The following GLI3 variants were observed in gnomAD, a reference collection of about 807,000 sequenced individuals.
GLI3 encodes the protein GLI family zinc finger 3.
GLI3 carries 20 observed loss-of-function variants against 100.8 expected under a neutral mutation model. The observed-to-expected ratio is 0.20, with a 90% CI of 0.14 to 0.29. The LOEUF is 0.29. Ranked by LOEUF, GLI3 falls within the 10% of genes least tolerant of loss-of-function variation. The probability of loss-of-function intolerance (pLI) is 1.00; values close to 1 mark genes in which losing one functional copy is unlikely to be tolerated. For synonymous variants in GLI3, 938 were observed against 860.5 expected, an observed-to-expected ratio of 1.09 and a Z score of -1.58; for missense variants, 2,040 against 2,128.5, an observed-to-expected ratio of 0.96 and a Z score of 0.82.
At chr7:42,054,671 A>C (rs1362348619) in intron 4 of GLI3, among the ~76,000 whole-genome samples, 1 of 152,126 alleles carries the variant, frequency 6.6e-6, no homozygotes, top group Non-Finnish European at 1.5e-5. Context: ...CATTTTAATA[A>C]ATCAAAATTT....
At position 42,026,318 on chromosome 7, in the gene GLI3, C is replaced by G. The variant is rs1038579078; in HGVS notation, c.1123G>C (p.Gly375Arg). 1 of 1,614,098 alleles carries G rather than the reference C, an allele frequency of 6.2e-7. No homozygotes were observed. ...SRQQSLGSAFGHSPPLIHPAP... is the reference protein window; with the variant it reads ...SRQQSLGSAFRHSPPLIHPAP... ...GGGTGGATGAGTGGAGGGCTGTGTC[C>G]AAAGGCTGAACCTAAGCTCTGTTGT... Residue 375 changes from glycine (G) to arginine (R), a missense_variant, in exon 8 of 15, where the codon GGA becomes CGA. Transcript: ENST00000395925.
chr7:42,006,355 G>T (rs1156573060), intron 10 of GLI3, among the ~76,000 whole-genome samples: 4 of 152,164 alleles, frequency 2.6e-5, no homozygotes, highest in Non-Finnish European at 5.9e-5. Flanking sequence ...TCCAAGAGTG[G>T]GAGGAGAAGA....
At chr7:42,080,352 C>A (rs183811265) in intron 3 of GLI3, among the ~76,000 whole-genome samples, 1 of 152,220 alleles carries the variant, frequency 6.6e-6, no homozygotes, top group Admixed American at 6.5e-5. Context: ...TTATTTATGT[C>A]CCAAGAAAAT....
intron 10 of GLI3, among the ~76,000 whole-genome samples, chr7:41,979,040 A>G (rs1787584690): frequency 6.6e-6 from 1 of 152,176 alleles, no homozygotes; most frequent in Admixed American, 6.5e-5. Flanking sequence ...GCAGAGTTCA[A>G]TTCCAGGTTT....
At chr7:42,021,550 T>C (rs1219506344) in intron 10 of GLI3, among the ~76,000 whole-genome samples, 1 of 152,200 alleles carries the variant, frequency 6.6e-6, no homozygotes, top group African/African-American at 2.4e-5. Context: ...TGTATTTAGG[T>C]TGTGAAAGGG....
chr7:42,064,836 C>T (rs1473614037), intron 4 of GLI3, among the ~76,000 whole-genome samples: 1 of 152,204 alleles, frequency 6.6e-6, no homozygotes. Flanking sequence ...TGTGAAGAAG[C>T]AGCTTGATCC....
At chr7:42,234,644 C>T (rs992140522) in intron 1 of GLI3, among the ~76,000 whole-genome samples, 10 of 152,170 alleles carry the variant, frequency 6.6e-5, no homozygotes, top group African/African-American at 2.4e-4. Flanking sequence ...TGGTAGGCAT[C>T]TGAGTTGGAC....
chr7:42,164,435 C>T (rs1787196851), intron 2 of GLI3, among the ~76,000 whole-genome samples: 1 of 152,042 alleles, frequency 6.6e-6, no homozygotes, highest in African/African-American at 2.4e-5. Context: ...TGGGAAGCTC[C>T]TTGAGCCTAA....
At chr7:42,036,423 GGGGTTGAAACAAGAGGTACAC>G in intron 7 of GLI3, among the ~76,000 whole-genome samples, 1 of 152,312 alleles carries the variant, frequency 6.6e-6, no homozygotes, top group Middle Eastern at 3.4e-3. Flanking sequence ...AGGTGTCACA[GGGGTTGAAACAAGAGGTACAC>G]AGTGATTGGC....
intron 12 of GLI3, 87 bp downstream of exon 12, chr7:41,977,471 C>T: frequency 7.1e-7 from 1 of 1,398,898 alleles, no homozygotes. Context: ...GAAAACAAAA[C>T]AGAACACACT....
chr7:42,224,141 C>G (rs1365641059), intron 1 of GLI3, among the ~76,000 whole-genome samples: 1 of 152,110 alleles, frequency 6.6e-6, no homozygotes, highest in Non-Finnish European at 1.5e-5. Flanking sequence ...GTTCATGTTC[C>G]TTTTTGCAGT....
chr7:42,078,124 C>T (rs527288094), intron 3 of GLI3, among the ~76,000 whole-genome samples: 70 of 152,312 alleles, frequency 4.6e-4, no homozygotes, highest in African/African-American at 1.3e-3. Flanking sequence ...ATGCACAGAG[C>T]GTCCCCCCGC....
chr7:42,015,452 C>G (rs540798096), intron 10 of GLI3, among the ~76,000 whole-genome samples: 1 of 152,028 alleles, frequency 6.6e-6, no homozygotes, highest in South Asian at 2.1e-4. Flanking sequence ...CCCAGAGAAG[C>G]CTAAATATCC....
chr7:41,993,511 C>T (rs1276570958), intron 10 of GLI3, among the ~76,000 whole-genome samples: 5 of 152,168 alleles, frequency 3.3e-5, no homozygotes, highest in African/African-American at 1.2e-4. Flanking sequence ...ACTTCCAACA[C>T]ACTATAATTT....
At chr7:42,115,821 G>A (rs1266623713) in intron 3 of GLI3, among the ~76,000 whole-genome samples, 1 of 152,176 alleles carries the variant, frequency 6.6e-6, no homozygotes, top group Non-Finnish European at 1.5e-5. Flanking sequence ...GTGGGAAGGA[G>A]TTGGCATAGA....
At chr7:42,109,953 T>C (rs1302457338) in intron 3 of GLI3, among the ~76,000 whole-genome samples, 1 of 152,238 alleles carries the variant, frequency 6.6e-6, no homozygotes, top group Non-Finnish European at 1.5e-5. Flanking sequence ...CTCTTTAGGA[T>C]ACTTTTTTTA....
intron 3 of GLI3, among the ~76,000 whole-genome samples, chr7:42,129,524 G>A (rs1786218780): frequency 6.6e-6 from 1 of 152,150 alleles, no homozygotes; most frequent in South Asian, 2.1e-4. Context: ...AGAAGCCATG[G>A]GCTGGGTTGG....
chr7:42,181,447 C>CA (rs531029514), intron 2 of GLI3, among the ~76,000 whole-genome samples: 5 of 150,606 alleles, frequency 3.3e-5, no homozygotes, highest in South Asian at 4.2e-4. Context: ...TAAAAAAATC[C>CA]AAAAAAAAAT....
At chr7:42,255,658 C>T (rs2128711057) in intron 1 of GLI3, among the ~76,000 whole-genome samples, 1 of 152,260 alleles carries the variant, frequency 6.6e-6, no homozygotes, top group East Asian at 1.9e-4. Flanking sequence ...GTCTTCATTG[C>T]TGAAGAGCAT....
Sources: gnomAD v4.1 joint callset for allele counts (sites outside exome capture counted in the v4.1 genomes callset) on GRCh38, gnomAD v4.1.1 for gene constraint, MANE v1.5 for transcripts, NCBI Gene and HGNC (gene_info 2026-07-23, HGNC 2026-07-21) for gene names.